Variants in VPS8 observed in about 807,000 individuals in gnomAD.
The protein encoded by VPS8 is VPS8 subunit of CORVET complex.
A neutral mutation model predicts 216.4 loss-of-function variants in VPS8; 129 were observed. The observed-to-expected ratio is 0.60, with a 90% CI of 0.52 to 0.69. The LOEUF (loss-of-function observed/expected upper bound fraction) is 0.69. Ranked by LOEUF, VPS8 falls within the 30% of genes least tolerant of loss-of-function variation. The pLI, the probability that VPS8 is intolerant of heterozygous loss-of-function variation, is 0.00. For synonymous variants in VPS8, 571 were observed against 565.4 expected, an observed-to-expected ratio of 1.01 and a Z score of -0.14; for missense variants, 1,531 against 1,683.5, an observed-to-expected ratio of 0.91 and a Z score of 1.59.
chr3:184,980,071 G>A (rs1269047028), intron 40 of VPS8, among the ~76,000 whole-genome samples: 1 of 152,158 alleles, frequency 6.6e-6, no homozygotes, highest in African/African-American at 2.4e-5. Context: ...GTTTGGATAT[G>A]AAGTTTTGGG....
intron 21 of VPS8, among the ~76,000 whole-genome samples, chr3:184,873,410 A>G (rs1202267401): frequency 5.9e-5 from 9 of 152,140 alleles, no homozygotes; most frequent in Admixed American, 5.9e-4. Context: ...ACTGTTTAAT[A>G]CTTAACTGTG....
intron 9 of VPS8, 58 bp downstream of exon 9, chr3:184,849,253 A>G (rs1723796958): frequency 6.3e-7 from 1 of 1,575,248 alleles, no homozygotes; most frequent in Non-Finnish European, 8.6e-7. Context: ...TGAATTTACA[A>G]AAACTTACAT....
At position 184,855,713 on chromosome 3, in the gene VPS8, G is replaced by T; in HGVS notation, c.1038G>T (p.Met346Ile). ...KVWMTFPYGR[M>I]DPSSVPLLAW... Reference sequence around the variant, plus strand: ...TTTTTTTCCATCTCCCTACTTAGATGGATCCTTCCAGTGTGCCACTGCTGG... The same window carrying T: ...TTTTTTTCCATCTCCCTACTTAGATTGATCCTTCCAGTGTGCCACTGCTGG... The change falls in exon 14 of 48, where the codon ATG (methionine) becomes ATT (isoleucine). Residue 346 changes from methionine to isoleucine, a missense_variant and splice_region_variant. Coordinates refer to ENST00000625842, the MANE Select transcript of VPS8 (RefSeq NM_001009921.3). The T allele has an allele frequency of 6.2e-7, 1 of 1,609,956 alleles. No homozygotes were observed. Among genetic ancestry groups the T allele is most frequent in the East Asian group, 2.2e-5 (1 of 44,802 alleles).
intron 3 of VPS8, among the ~76,000 whole-genome samples, chr3:184,831,677 T>C (rs1720010755): frequency 1.3e-5 from 2 of 152,180 alleles, no homozygotes; most frequent in Admixed American, 1.3e-4. Flanking sequence ...ACTTCTCCCT[T>C]ACCTCTCCTC....
intron 45 of VPS8, among the ~76,000 whole-genome samples, chr3:185,018,578 G>A (rs1756169666): frequency 6.6e-6 from 1 of 152,198 alleles, no homozygotes; most frequent in Admixed American, 6.5e-5. Flanking sequence ...AACTGAGCAG[G>A]AGTTAGACAA....
intron 40 of VPS8, among the ~76,000 whole-genome samples, chr3:184,980,632 T>G (rs772204983): frequency 6.6e-6 from 1 of 152,238 alleles, no homozygotes; most frequent in Non-Finnish European, 1.5e-5. Flanking sequence ...CCAATTGTAT[T>G]ACATGATTCT....
At chr3:185,024,653 G>A (rs1757104499) in intron 46 of VPS8, among the ~76,000 whole-genome samples, 1 of 152,178 alleles carries the variant, frequency 6.6e-6, no homozygotes, top group South Asian at 2.1e-4. Context: ...TGGTATCAAT[G>A]AGTGGTAGTA....
chr3:185,051,373 G>GT (rs1714201122), intron 47 of VPS8, among the ~76,000 whole-genome samples: 2 of 152,252 alleles, frequency 1.3e-5, no homozygotes, highest in South Asian at 4.2e-4. Context: ...TGGCAGCTGG[G>GT]TGTCTGTTTG....
chr3:184,873,451 T>C (rs955146705), intron 21 of VPS8, among the ~76,000 whole-genome samples: 10 of 152,166 alleles, frequency 6.6e-5, no homozygotes, highest in Non-Finnish European at 1.3e-4. Context: ...CCTTTATGCA[T>C]ATTTATTAAC....
chr3:184,863,688 T>C (rs77453056), intron 16 of VPS8, among the ~76,000 whole-genome samples: 1,743 of 152,336 alleles, frequency 0.011, 25 homozygotes, highest in African/African-American at 0.03. Flanking sequence ...TTTCCACAGA[T>C]AGTTTATAGT....
chr3:184,821,847 A>G (rs1372488275), intron 1 of VPS8, among the ~76,000 whole-genome samples: 1 of 152,122 alleles, frequency 6.6e-6, no homozygotes, highest in African/African-American at 2.4e-5. Flanking sequence ...TATTCATTGT[A>G]TAGAGAACAA....
chr3:184,908,481 A>G (rs1735892662), intron 25 of VPS8, among the ~76,000 whole-genome samples: 1 of 152,238 alleles, frequency 6.6e-6, no homozygotes, highest in Non-Finnish European at 1.5e-5. Flanking sequence ...GCACCCAGAC[A>G]AGGGTGCCCA....
At position 185,052,051 on chromosome 3, in the gene VPS8, G is replaced by C; in HGVS notation, c.*26G>C. The C allele has an allele frequency of 6.2e-7, 1 of 1,600,078 alleles. No homozygotes were observed. Among genetic ancestry groups the C allele is most frequent in the South Asian group, 1.1e-5 (1 of 88,948 alleles). ...TGACTCCATGGAGCCTGGCCCAGGA[G>C]AACCAGAGATGATCCCGAGGCAGCT... On this transcript the variant is annotated 3_prime_UTR_variant, in exon 48 of 48. Transcript: ENST00000625842.
chr3:184,925,772 A>ATTTTT (rs769693262), intron 30 of VPS8, among the ~76,000 whole-genome samples: 4 of 121,522 alleles, frequency 3.3e-5, no homozygotes, highest in African/African-American at 9.4e-5. Context: ...TTCTCTCTCT[A>ATTTTT]TTTTTTTTTT....
intron 47 of VPS8, among the ~76,000 whole-genome samples, chr3:185,049,864 G>C (rs1713798028): frequency 6.6e-6 from 1 of 152,052 alleles, no homozygotes; most frequent in Non-Finnish European, 1.5e-5. Flanking sequence ...CCTTCTTTGA[G>C]AGTTGGTGTG....
intron 21 of VPS8, among the ~76,000 whole-genome samples, chr3:184,874,466 GA>G (rs1728894905): frequency 2.0e-5 from 3 of 152,124 alleles, no homozygotes; most frequent in Non-Finnish European, 2.9e-5. Context: ...GTAGCGCCAA[GA>G]ATCAAGGTTC....
intron 32 of VPS8, 104 bp downstream of exon 32, chr3:184,928,637 G>A: frequency 1.2e-6 from 1 of 859,410 alleles, no homozygotes; most frequent in Non-Finnish European, 1.6e-6. Flanking sequence ...TTTTTAATTA[G>A]GAAAGATTAT....
chr3:185,017,479 A>G (rs562751900), intron 45 of VPS8, among the ~76,000 whole-genome samples: 1 of 152,130 alleles, frequency 6.6e-6, no homozygotes, highest in African/African-American at 2.4e-5. Context: ...ATTTCCACAT[A>G]CGGCACAATC....
chr3:184,934,518 T>C (rs904692781), intron 34 of VPS8, among the ~76,000 whole-genome samples: 2 of 152,204 alleles, frequency 1.3e-5, no homozygotes, highest in African/African-American at 4.8e-5. Context: ...TTTAATGCTG[T>C]TGTTAATGGC....
Sources: gnomAD v4.1 joint callset for allele counts (sites outside exome capture counted in the v4.1 genomes callset) on GRCh38, gnomAD v4.1.1 for gene constraint, MANE v1.5 for transcripts, NCBI Gene and HGNC (gene_info 2026-07-23, HGNC 2026-07-21) for gene names.